The following TLN2 variants were observed in gnomAD, a reference collection of about 807,000 sequenced individuals.
TLN2 encodes the protein talin 2, also known as talin-2.
In TLN2, 118 loss-of-function variants were observed where a neutral mutation model predicts 294.7. The observed-to-expected ratio is 0.40, with a 90% CI of 0.34 to 0.47. The LOEUF (loss-of-function observed/expected upper bound fraction) is 0.47. Among genes scored for constraint, TLN2 ranks in the 20% least tolerant of loss-of-function variants. The pLI, the probability that TLN2 is intolerant of heterozygous loss-of-function variation, is 0.84. For synonymous variants in TLN2, 1,431 were observed against 1,304.5 expected (o/e 1.10, Z -2.09); for missense variants, 3,083 against 3,282.2 (o/e 0.94, Z 1.48).
chr15:62,495,450 A>G (rs929708298), intron 1 of TLN2, among the ~76,000 whole-genome samples: 3 of 152,202 alleles, frequency 2.0e-5, no homozygotes, highest in African/African-American at 7.2e-5. Flanking sequence ...TCTCATGGGA[A>G]TGGCATTTCC....
rs536873745 is a variant in TLN2 at position 62,781,296 on chromosome 15, C to T, written c.5616+55C>T. ...TGTTGTTTGCCTTTTTATCCACTGC[C>T]GCCGCTGAGCCTGCAAATCCCAGAT... On this transcript the variant is annotated intron_variant, in intron 44 of 58. Transcript: ENST00000636159. 352 of 1,374,522 alleles carry T rather than the reference C, an allele frequency of 2.6e-4. 2 individuals are homozygous for T. In the South Asian group the frequency reaches 2.7e-3, roughly 11 times the overall value. The allele number at this position is 1,374,522 out of a possible 1,614,324, so 85.1% of individuals were successfully genotyped here. A position where few individuals can be genotyped will look rare whatever the true frequency, so the allele number is the denominator to read the frequency against.
At chr15:62,446,282 C>G (rs550737225) in intron 1 of TLN2, among the ~76,000 whole-genome samples, 121 of 152,284 alleles carry the variant, frequency 7.9e-4, no homozygotes, top group African/African-American at 2.8e-3. Flanking sequence ...TGCGAGCCAC[C>G]GCGCCCGGCT....
At position 62,658,096 on chromosome 15, in the gene TLN2, T is replaced by C. The variant is rs189446198; in HGVS notation, c.788+198T>C. The C allele has an allele frequency of 1.9e-5, 9 of 466,880 alleles. No individual in the cohort carries two copies. In the Admixed American group the frequency reaches 3.8e-4, roughly 20 times the overall value. The allele number at this position is 466,880 out of a possible 1,614,324, so 28.9% of individuals were successfully genotyped here. On this transcript the variant is annotated intron_variant, in intron 9 of 58. Coordinates refer to ENST00000636159, the MANE Select transcript of TLN2 (RefSeq NM_015059.3). ...AGAGAAATTCAGAAGTTTCTTTTGC[T>C]GAATAGAAATTCAGTGATCTGTGTC...
intron 1 of TLN2, among the ~76,000 whole-genome samples, chr15:62,395,889 G>A (rs1398524603): frequency 6.6e-6 from 1 of 152,052 alleles, no homozygotes; most frequent in East Asian, 1.9e-4. Context: ...AGACTGGACT[G>A]CAGTGGCTTG....
At chr15:62,483,156 A>C (rs2038202046) in intron 1 of TLN2, among the ~76,000 whole-genome samples, 1 of 152,216 alleles carries the variant, frequency 6.6e-6, no homozygotes, top group East Asian at 1.9e-4. Flanking sequence ...CTTAGGCACC[A>C]AGAACTACTC....
intron 1 of TLN2, among the ~76,000 whole-genome samples, chr15:62,444,920 G>T (rs904452367): frequency 2.6e-5 from 4 of 152,110 alleles, no homozygotes; most frequent in African/African-American, 9.7e-5. Flanking sequence ...TATGTTTGGG[G>T]GTTGGTTGAG....
At chr15:62,398,648 C>G (rs577263899) in intron 1 of TLN2, among the ~76,000 whole-genome samples, 1 of 152,300 alleles carries the variant, frequency 6.6e-6, no homozygotes, top group East Asian at 1.9e-4. Flanking sequence ...TTCTTGGGAA[C>G]TGGAGCCAAG....
chr15:62,731,424 A>C (rs1253072954), intron 28 of TLN2, among the ~76,000 whole-genome samples: 1 of 150,876 alleles, frequency 6.6e-6, no homozygotes, highest in Non-Finnish European at 1.5e-5. Context: ...TTTTCCCTAC[A>C]TAGGATTACT....
chr15:62,510,062 A>G (rs1228471145), intron 1 of TLN2, among the ~76,000 whole-genome samples: 1 of 152,236 alleles, frequency 6.6e-6, no homozygotes, highest in African/African-American at 2.4e-5. Flanking sequence ...TCTTCCCAGT[A>G]GTCTGTATTC....
At chr15:62,421,685 T>A (rs1157482450) in intron 1 of TLN2, among the ~76,000 whole-genome samples, 1 of 127,074 alleles carries the variant, frequency 7.9e-6, no homozygotes, top group Non-Finnish European at 1.7e-5. Context: ...GGGTAGGGGG[T>A]GGGGGGAGAG....
chr15:62,501,968 G>C (rs558011946), intron 1 of TLN2, among the ~76,000 whole-genome samples: 35 of 152,270 alleles, frequency 2.3e-4, no homozygotes, highest in African/African-American at 8.4e-4. Flanking sequence ...TGGGCACCTT[G>C]GTATCAGTGG....
At chr15:62,531,867 C>CT (rs918673451) in intron 1 of TLN2, among the ~76,000 whole-genome samples, 36 of 152,196 alleles carry the variant, frequency 2.4e-4, no homozygotes, top group African/African-American at 8.4e-4. Context: ...GAGGAATGGG[C>CT]TAGAAGCCTG....
At chr15:62,711,576 G>A (rs1459836694) in intron 21 of TLN2, among the ~76,000 whole-genome samples, 2 of 152,160 alleles carry the variant, frequency 1.3e-5, no homozygotes, top group African/African-American at 2.4e-5. Flanking sequence ...AGAAAGCAAT[G>A]TTTTCTAAAT....
At chr15:62,832,631 C>T (rs1301855082) in intron 54 of TLN2, 2 of 152,220 alleles carry the variant, frequency 1.3e-5, no homozygotes, top group Non-Finnish European at 2.9e-5. Context: ...CAGTGTTCTT[C>T]CCAAGGTGGA....
chr15:62,504,255 A>G (rs2471022), intron 1 of TLN2, among the ~76,000 whole-genome samples: 34,807 of 152,114 alleles, frequency 0.23, 4,838 homozygotes, highest in East Asian at 0.57. Context: ...AAATTGATCT[A>G]TAGGTCCATT....
Position 62,652,100 on chromosome 15 carries a change from G to A in TLN2, c.330G>A (p.Val110=), listed in dbSNP as rs370994299. ...TGATGGTGGATGATTCCAAGACTGT[G>A]GGGGAGCTCCTGGTCACTATTTGTA... ...KTVMVDDSKT[V]GELLVTICSR... is the part of the protein sequence containing the mutation. The change falls in exon 6 of 59, where the codon GTG becomes GTA. Residue 110 remains valine, a synonymous_variant. Transcript: ENST00000636159. 1.9e-6 allele frequency: 3 copies of A among 1,608,116 alleles called. No individual in the cohort carries two copies. Among genetic ancestry groups the A allele is most frequent in the African/African-American group, 2.7e-5 (2 of 74,864 alleles).
At chr15:62,469,934 G>A (rs1221375372) in intron 1 of TLN2, among the ~76,000 whole-genome samples, 1 of 151,972 alleles carries the variant, frequency 6.6e-6, no homozygotes, top group Non-Finnish European at 1.5e-5. Context: ...GTGGGTGTGT[G>A]TTTGTGTGGG....
chr15:62,704,443 A>C (rs1386897704), intron 19 of TLN2, among the ~76,000 whole-genome samples: 1 of 152,168 alleles, frequency 6.6e-6, no homozygotes, highest in East Asian at 1.9e-4. Flanking sequence ...AGAACTTCCA[A>C]ATTTTATAAG....
At chr15:62,426,289 C>T (rs1332060710) in intron 1 of TLN2, among the ~76,000 whole-genome samples, 4 of 152,188 alleles carry the variant, frequency 2.6e-5, no homozygotes, top group Non-Finnish European at 4.4e-5. Flanking sequence ...TTTTCCCTCT[C>T]CCCATTTCAT....
Sources: allele counts gnomAD v4.1 joint callset (sites outside exome capture counted in the v4.1 genomes callset), GRCh38; gene constraint gnomAD v4.1.1; transcripts MANE v1.5; gene names NCBI Gene and HGNC (gene_info 2026-07-23, HGNC 2026-07-21).